The following GPC5 variants were observed in gnomAD, a reference collection of about 807,000 sequenced individuals.
The protein encoded by GPC5 is glypican-5.
In GPC5, 47 loss-of-function variants were observed where a neutral mutation model predicts 53.9. The ratio of observed to expected loss-of-function variants is 0.87; its 90% CI spans 0.69 to 1.11. The LOEUF is 1.11. Ranked by LOEUF, GPC5 falls within the 50% of genes most tolerant of loss-of-function variation. GPC5 has a pLI of 0.00. For synonymous variants in GPC5, 286 were observed against 263.3 expected (o/e 1.09, Z -0.84); for missense variants, 748 against 713.1 (o/e 1.05, Z -0.56).
In GPC5 at chr13:91,857,709, GAACACA is replaced by G. The variant is rs1303772428; in HGVS notation, c.1281-50227_1281-50222del. ...CTTGTTCCCAACTATATATTGAATG[GAACACA>G]TTCAATATATAGTCATTAAGTATGA... On this transcript the variant is annotated intron_variant, in intron 5 of 7. Coordinates refer to ENST00000377067, the MANE Select transcript of GPC5 (RefSeq NM_004466.6). Among the ~76,000 whole-genome samples, 4 of 150,498 alleles carry G rather than the reference GAACACA, an allele frequency of 2.7e-5. No individual in the cohort carries two copies. The East Asian group carries it at 7.8e-4, about 29-fold the overall frequency.
At chr13:91,785,357 G>A (rs182730157) in intron 5 of GPC5, among the ~76,000 whole-genome samples, 58 of 152,184 alleles carry the variant, frequency 3.8e-4, no homozygotes, top group South Asian at 1.0e-3. Context: ...TTCATTCCCC[G>A]ATTGTGACAA....
At chr13:92,547,274 T>TTGAATAATAATAATA (rs1486641913) in intron 7 of GPC5, among the ~76,000 whole-genome samples, 7 of 152,134 alleles carry the variant, frequency 4.6e-5, no homozygotes, top group African/African-American at 1.7e-4. Flanking sequence ...ATAATAAACA[T>TTGAATAATAATAATA]AACATTGAAT....
chr13:92,269,484 C>A (rs937550145), intron 7 of GPC5, among the ~76,000 whole-genome samples: 1 of 152,154 alleles, frequency 6.6e-6, no homozygotes, highest in African/African-American at 2.4e-5. Flanking sequence ...CGGCTCACTG[C>A]AACCTCCGCC....
chr13:92,485,915 G>A (rs536260551), intron 7 of GPC5, among the ~76,000 whole-genome samples: 1 of 152,316 alleles, frequency 6.6e-6, no homozygotes, highest in East Asian at 1.9e-4. Flanking sequence ...GCAGTGAGCT[G>A]AGATGGTGCC....
chr13:92,488,159 T>C (rs1048816605), intron 7 of GPC5, among the ~76,000 whole-genome samples: 1 of 152,106 alleles, frequency 6.6e-6, no homozygotes, highest in African/African-American at 2.4e-5. Flanking sequence ...GCATATAAGT[T>C]TGTAAATTTA....
At chr13:92,631,981 TCAGGTCC>T (rs1188393749) in intron 7 of GPC5, among the ~76,000 whole-genome samples, 1 of 152,206 alleles carries the variant, frequency 6.6e-6, no homozygotes, top group Non-Finnish European at 1.5e-5. Context: ...CTGAAACATT[TCAGGTCC>T]CAAGCATTTT....
At chr13:92,320,904 C>T (rs889073649) in intron 7 of GPC5, among the ~76,000 whole-genome samples, 1 of 152,098 alleles carries the variant, frequency 6.6e-6, no homozygotes, top group African/African-American at 2.4e-5. Context: ...AATATATAAA[C>T]CAACATTCTT....
intron 2 of GPC5, among the ~76,000 whole-genome samples, chr13:91,663,690 C>T (rs1442604991): frequency 6.6e-6 from 1 of 152,110 alleles, no homozygotes; most frequent in African/African-American, 2.4e-5. Flanking sequence ...TCTCTAACTC[C>T]TGGCCTGAAG....
At chr13:91,695,865 G>A (rs1008324747) in intron 3 of GPC5, among the ~76,000 whole-genome samples, 2 of 152,108 alleles carry the variant, frequency 1.3e-5, no homozygotes, top group Non-Finnish European at 2.9e-5. Flanking sequence ...AACCTGAAGG[G>A]CCTTTTTGTG....
At chr13:91,498,942 G>C (rs1043622366) in intron 2 of GPC5, among the ~76,000 whole-genome samples, 1 of 150,950 alleles carries the variant, frequency 6.6e-6, no homozygotes, top group African/African-American at 2.4e-5. Flanking sequence ...CTGCACTCCA[G>C]CCTGGGGAAC....
intron 2 of GPC5, among the ~76,000 whole-genome samples, chr13:91,586,324 G>A (rs2032565999): frequency 6.8e-6 from 1 of 147,506 alleles, no homozygotes; most frequent in African/African-American, 2.5e-5. Context: ...GTTTCAAAGG[G>A]CATACTAGTT....
chr13:92,549,532 A>G (rs1433702279), intron 7 of GPC5, among the ~76,000 whole-genome samples: 4 of 152,032 alleles, frequency 2.6e-5, no homozygotes, highest in Admixed American at 1.3e-4. Flanking sequence ...ACATGTATCT[A>G]TATATTTCAC....
At chr13:92,483,993 C>T (rs888408239) in intron 7 of GPC5, among the ~76,000 whole-genome samples, 2 of 151,984 alleles carry the variant, frequency 1.3e-5, no homozygotes, top group African/African-American at 4.8e-5. Context: ...AAATAACTGG[C>T]CAGGTATAAT....
At chr13:91,477,339 A>C (rs186605151) in intron 2 of GPC5, among the ~76,000 whole-genome samples, 1 of 152,134 alleles carries the variant, frequency 6.6e-6, no homozygotes, top group Non-Finnish European at 1.5e-5. Flanking sequence ...AAATGTTTTC[A>C]GCGGTATTAC....
At chr13:91,910,725 A>G (rs1377019599) in intron 6 of GPC5, among the ~76,000 whole-genome samples, 2 of 152,192 alleles carry the variant, frequency 1.3e-5, no homozygotes, top group Non-Finnish European at 2.9e-5. Flanking sequence ...GTCACTTTTT[A>G]ATGTTTTAAT....
chr13:91,413,770 C>A (rs1355878884), intron 1 of GPC5, among the ~76,000 whole-genome samples: 1 of 152,078 alleles, frequency 6.6e-6, no homozygotes, highest in East Asian at 1.9e-4. Context: ...GGTGATCTGG[C>A]CCCTTCTTTT....
intron 7 of GPC5, among the ~76,000 whole-genome samples, chr13:92,522,090 A>T (rs543594681): frequency 1.3e-5 from 2 of 152,348 alleles, no homozygotes; most frequent in East Asian, 3.9e-4. Flanking sequence ...ACCAGTTAGA[A>T]TGGCGATCGT....
chr13:91,901,099 T>A (rs2039493352), intron 5 of GPC5, among the ~76,000 whole-genome samples: 1 of 152,062 alleles, frequency 6.6e-6, no homozygotes, highest in South Asian at 2.1e-4. Context: ...TTTATTAATG[T>A]TAATGACATC....
At chr13:91,968,860 T>A (rs935112983) in intron 6 of GPC5, among the ~76,000 whole-genome samples, 10 of 152,184 alleles carry the variant, frequency 6.6e-5, no homozygotes, top group Admixed American at 3.3e-4. Flanking sequence ...CCCATCATCA[T>A]CACTACTACT....
Sources: allele counts gnomAD v4.1 joint callset (sites outside exome capture counted in the v4.1 genomes callset), GRCh38; gene constraint gnomAD v4.1.1; transcripts MANE v1.5; gene names NCBI Gene and HGNC (gene_info 2026-07-23, HGNC 2026-07-21).